ESR1: variants seen among roughly 807,000 people sequenced by gnomAD.
The protein encoded by ESR1 is estrogen receptor.
In ESR1, 12 loss-of-function variants were observed where a neutral mutation model predicts 52.7. The observed-to-expected ratio is 0.23, with a 90% CI of 0.15 to 0.37. ESR1 has a LOEUF of 0.37. Ranked by LOEUF, ESR1 falls within the 10% of genes least tolerant of loss-of-function variation. The pLI is 1.00. For missense variants in ESR1, 584 were observed against 779.7 expected (o/e 0.75, Z 2.99); for synonymous variants, 305 against 316.8 (o/e 0.96, Z 0.39).
intron 4 of ESR1, among the ~76,000 whole-genome samples, chr6:151,956,843 A>ATATATATATATATATAAATATAAAT (rs2037003332): frequency 1.1e-4 from 5 of 44,466 alleles, no homozygotes; most frequent in African/African-American, 3.7e-4. Flanking sequence ...AATATAAATA[A>ATATATATATATATATAAATATAAAT]ATATATATAT....
At chr6:152,022,211 G>T (rs941492411) in intron 5 of ESR1, among the ~76,000 whole-genome samples, 1 of 152,170 alleles carries the variant, frequency 6.6e-6, no homozygotes, top group Non-Finnish European at 1.5e-5. Context: ...GAACCTGAGA[G>T]CATGCTTAAT....
chr6:152,014,191 T>C (rs760786221), intron 5 of ESR1, among the ~76,000 whole-genome samples: 2 of 152,156 alleles, frequency 1.3e-5, no homozygotes, highest in African/African-American at 4.8e-5. Flanking sequence ...TAAACCTTTT[T>C]CTTTGTAAAT....
chr6:151,850,030 AT>A lies in ESR1; in HGVS notation c.643+7244del, dbSNP rs1562474050. Among the ~76,000 whole-genome samples the A allele has an allele frequency of 7.7e-5, 6 of 77,886 alleles. No homozygotes were observed. The East Asian group carries it at 2.0e-3, about 26-fold the overall frequency. The allele number at this position is 77,886 out of a possible 152,430, so 51.1% of individuals were successfully genotyped here. ...TAATTTTGTATATATATACAAAATT[AT>A]ATATATATATAATTTTATATATATA... On this transcript the variant is annotated intron_variant, in intron 2 of 7. Coordinates refer to ENST00000206249, the MANE Select transcript of ESR1 (RefSeq NM_000125.4).
At chr6:151,660,559 C>G (rs1411719274) in intron 1 of ESR1, among the ~76,000 whole-genome samples, 1 of 152,164 alleles carries the variant, frequency 6.6e-6, no homozygotes, top group Non-Finnish European at 1.5e-5. Flanking sequence ...AGAACACATA[C>G]AGTAGGAGTC....
chr6:151,960,602 A>G (rs2037542596), intron 4 of ESR1, among the ~76,000 whole-genome samples: 1 of 152,196 alleles, frequency 6.6e-6, no homozygotes, highest in Non-Finnish European at 1.5e-5. Flanking sequence ...GAGTGAGAGA[A>G]AATGTGATCA....
intron 5 of ESR1, among the ~76,000 whole-genome samples, chr6:152,021,990 A>G (rs370884985): frequency 3.3e-5 from 5 of 152,152 alleles, no homozygotes; most frequent in African/African-American, 9.7e-5. Context: ...TTCTTTATAA[A>G]TTGCCCAGTC....
chr6:151,883,602 T>C (rs1402904161), intron 3 of ESR1, among the ~76,000 whole-genome samples: 1 of 152,092 alleles, frequency 6.6e-6, no homozygotes, highest in Non-Finnish European at 1.5e-5. Flanking sequence ...AAAGGCCCTA[T>C]TTCCAAATAT....
intron 5 of ESR1, among the ~76,000 whole-genome samples, chr6:152,050,256 T>C (rs6930355): frequency 0.22 from 33,533 of 152,138 alleles, 5,371 homozygotes; most frequent in African/African-American, 0.44. Context: ...GCTGCTAAAT[T>C]GCTCCATGCA....
intron 4 of ESR1, among the ~76,000 whole-genome samples, chr6:151,945,892 G>T (rs1346225870): frequency 2.0e-5 from 3 of 152,150 alleles, no homozygotes; most frequent in Non-Finnish European, 4.4e-5. Context: ...ACCCAGCCTT[G>T]TTAGAGGCCA....
chr6:152,117,108 G>A (rs2152514880), intron 6 of ESR1, among the ~76,000 whole-genome samples: 1 of 152,264 alleles, frequency 6.6e-6, no homozygotes, highest in East Asian at 1.9e-4. Context: ...CCACAGGTGA[G>A]CCAAACCCAC....
At chr6:151,850,039 TA>T (rs1337489313) in intron 2 of ESR1, among the ~76,000 whole-genome samples, 1,578 of 124,158 alleles carry the variant, frequency 0.013, 71 homozygotes, top group African/African-American at 0.047. Flanking sequence ...TATATATATA[TA>T]TAATTTTATA....
Position 152,042,294 on chromosome 6 carries a change from G to A in ESR1, c.1236-18697G>A, listed in dbSNP as rs146779806. ...CACTAGGGAAATGACCACAGGATGAGTCTGGGACCCACCAGCCCCACTGTA... is the reference window on the plus strand; with the variant it reads ...CACTAGGGAAATGACCACAGGATGAATCTGGGACCCACCAGCCCCACTGTA... On this transcript the variant is annotated intron_variant, in intron 5 of 7. Transcript: ENST00000206249. Among the ~76,000 whole-genome samples the A allele has an allele frequency of 1.0e-3, 155 of 152,296 alleles. 4 individuals are homozygous for A. In the South Asian group the frequency reaches 0.025, roughly 25 times the overall value.
chr6:151,982,794 A>T (rs976260418), intron 4 of ESR1, among the ~76,000 whole-genome samples: 7 of 152,098 alleles, frequency 4.6e-5, no homozygotes, highest in African/African-American at 1.7e-4. Flanking sequence ...AATCAATAGA[A>T]TATATTATTA....
intron 4 of ESR1, among the ~76,000 whole-genome samples, chr6:151,974,745 T>C (rs551730663): frequency 6.6e-6 from 1 of 152,338 alleles, no homozygotes; most frequent in East Asian, 1.9e-4. Context: ...TTTTTTCCTA[T>C]GTGAAATAAA....
At chr6:152,052,104 G>A (rs763965040) in intron 5 of ESR1, among the ~76,000 whole-genome samples, 2 of 152,200 alleles carry the variant, frequency 1.3e-5, no homozygotes, top group Non-Finnish European at 2.9e-5. Flanking sequence ...TTTACTCATG[G>A]TGGAAGGCAA....
intron 6 of ESR1, among the ~76,000 whole-genome samples, chr6:152,085,505 C>T (rs1242101488): frequency 6.6e-6 from 1 of 151,982 alleles, no homozygotes; most frequent in African/African-American, 2.4e-5. Flanking sequence ...TGGGGAGAGT[C>T]GTCAACCAGG....
chr6:151,893,949 GA>G (rs1795074912), intron 3 of ESR1, among the ~76,000 whole-genome samples: 1 of 152,136 alleles, frequency 6.6e-6, no homozygotes. Flanking sequence ...AGGAGTGAGG[GA>G]TCAAGCAAGA....
At chr6:151,928,317 A>G (rs2033070630) in intron 3 of ESR1, among the ~76,000 whole-genome samples, 1 of 152,202 alleles carries the variant, frequency 6.6e-6, no homozygotes, top group Non-Finnish European at 1.5e-5. Context: ...CCTACAGTTG[A>G]GCAAAATGAT....
chr6:151,869,569 C>A (rs748252661), intron 2 of ESR1, among the ~76,000 whole-genome samples: 5 of 152,016 alleles, frequency 3.3e-5, no homozygotes, highest in Non-Finnish European at 7.4e-5. Flanking sequence ...GTGCTTAAAA[C>A]AATTGTGGTT....
Sources: gnomAD v4.1 joint callset for allele counts (sites outside exome capture counted in the v4.1 genomes callset) on GRCh38, gnomAD v4.1.1 for gene constraint, MANE v1.5 for transcripts, NCBI Gene and HGNC (gene_info 2026-07-23, HGNC 2026-07-21) for gene names.